The following ELOVL7 variants were observed in gnomAD, a reference collection of about 807,000 sequenced individuals.
ELOVL7 encodes the protein ELOVL fatty acid elongase 7.
ELOVL7 carries 27 observed loss-of-function variants against 35.7 expected under a neutral mutation model. That is an observed-to-expected ratio of 0.76 (90% CI 0.56 to 1.04). The LOEUF (loss-of-function observed/expected upper bound fraction) is 1.04, where lower values mean the gene tolerates loss of function less well. Ranked by LOEUF, ELOVL7 falls within the 50% of genes least tolerant of loss-of-function variation. ELOVL7 has a pLI of 0.00. For synonymous variants in ELOVL7, 113 were observed against 114.6 expected (o/e 0.99, Z 0.09); for missense variants, 327 against 340.8 (o/e 0.96, Z 0.32).
At chr5:60,839,149 T>G (rs758413267) in intron 1 of ELOVL7, among the ~76,000 whole-genome samples, 2 of 152,046 alleles carry the variant, frequency 1.3e-5, no homozygotes, top group African/African-American at 2.4e-5. Flanking sequence ...GAGAACAGAC[T>G]GGCCAACATG....
chr5:60,841,323 G>A (rs1267972078), intron 1 of ELOVL7, among the ~76,000 whole-genome samples: 1 of 152,150 alleles, frequency 6.6e-6, no homozygotes, highest in Non-Finnish European at 1.5e-5. Flanking sequence ...ACTGTGCCCA[G>A]CCTGAGAATA....
chr5:60,830,773 C>G (rs1047679784), intron 1 of ELOVL7, among the ~76,000 whole-genome samples: 1 of 152,110 alleles, frequency 6.6e-6, no homozygotes, highest in Non-Finnish European at 1.5e-5. Flanking sequence ...CCATTCAATT[C>G]TAGAACTCTT....
At chr5:60,778,341 A>G (rs905363884) in intron 3 of ELOVL7, among the ~76,000 whole-genome samples, 1 of 152,236 alleles carries the variant, frequency 6.6e-6, no homozygotes, top group African/African-American at 2.4e-5. Flanking sequence ...AACCTTAAAT[A>G]CATGAACATC....
At chr5:60,807,992 CAAAAAAAAAA>C (rs34086506) in intron 1 of ELOVL7, among the ~76,000 whole-genome samples, 4 of 42,420 alleles carry the variant, frequency 9.4e-5, no homozygotes, top group East Asian at 7.3e-4. Context: ...GACTCCGTCT[CAAAAAAAAAA>C]AAAAAAAAAA....
chr5:60,782,761 A>G (rs1743339188), intron 3 of ELOVL7, among the ~76,000 whole-genome samples: 1 of 152,190 alleles, frequency 6.6e-6, no homozygotes, highest in South Asian at 2.1e-4. Context: ...TTTATATAAG[A>G]AGAGTAGAAT....
chr5:60,810,074 A>T lies in ELOVL7; in HGVS notation c.-85-10844T>A, dbSNP rs77322091. ...AAACTATCGCTCAGTGAGAAAAAAC[A>T]AACTTTATCTTGCCTGCCTGCTTTG... is the stretch of plus-strand genomic sequence containing the variant. On this transcript the variant is annotated intron_variant, in intron 1 of 8. Coordinates refer to ENST00000508821, the MANE Select transcript of ELOVL7 (RefSeq NM_024930.3). Among the ~76,000 whole-genome samples, 29 of 152,370 alleles carry T rather than the reference A, an allele frequency of 1.9e-4. No homozygotes were observed. In the East Asian group the frequency reaches 4.4e-3, roughly 23 times the overall value.
intron 1 of ELOVL7, among the ~76,000 whole-genome samples, chr5:60,807,016 G>A (rs995777946): frequency 3.3e-5 from 5 of 152,194 alleles, no homozygotes; most frequent in Admixed American, 2.0e-4. Context: ...GAAAGGGTCG[G>A]GAGCAGAGTG....
intron 1 of ELOVL7, among the ~76,000 whole-genome samples, chr5:60,839,751 G>C (rs1428212372): frequency 6.6e-6 from 1 of 152,180 alleles, no homozygotes; most frequent in Non-Finnish European, 1.5e-5. Context: ...TGTAATCCTA[G>C]CACTTTGGAA....
chr5:60,805,504 T>C (rs1338573615), intron 1 of ELOVL7, among the ~76,000 whole-genome samples: 8 of 152,192 alleles, frequency 5.3e-5, no homozygotes, highest in Admixed American at 5.2e-4. Flanking sequence ...TACAGGTTTC[T>C]CAACTGAGAA....
intron 1 of ELOVL7, among the ~76,000 whole-genome samples, chr5:60,841,023 CTTT>C (rs59046428): frequency 8.8e-5 from 11 of 125,352 alleles, no homozygotes; most frequent in Admixed American, 1.6e-4. Context: ...AATTACTTTC[CTTT>C]TTTTTTTTTT....
chr5:60,803,586 C>A (rs1744764585), intron 1 of ELOVL7, among the ~76,000 whole-genome samples: 1 of 152,134 alleles, frequency 6.6e-6, no homozygotes, highest in Admixed American at 6.5e-5. Context: ...GTATCTTGTG[C>A]CATTGTCTCT....
intron 1 of ELOVL7, among the ~76,000 whole-genome samples, chr5:60,807,456 G>C (rs1396895520): frequency 6.6e-6 from 1 of 151,326 alleles, no homozygotes; most frequent in Admixed American, 6.6e-5. Flanking sequence ...CTGAGGGAAA[G>C]AGACAGCAAA....
At chr5:60,822,933 C>A (rs774000181) in intron 1 of ELOVL7, among the ~76,000 whole-genome samples, 1 of 152,146 alleles carries the variant, frequency 6.6e-6, no homozygotes, top group Non-Finnish European at 1.5e-5. Flanking sequence ...AACCTGGAAG[C>A]CTCTGTGACT....
At position 60,754,809 on chromosome 5, in the gene ELOVL7, G is replaced by A; in HGVS notation, c.661C>T (p.His221Tyr). ...TCCATGAAAAAGAACTGGCTTATGT[G>A]GATGGCGACAATAACAAACTGGACC... Reference protein sequence around the residue: ...QLVQFVIVAIHISQFFFMEDC... With the variant: ...QLVQFVIVAIYISQFFFMEDC... The change falls in exon 9 of 9, where the codon CAC becomes TAC. Residue 221 changes from histidine (H) to tyrosine (Y), a missense_variant. His to Tyr is a moderately conservative substitution (Grantham distance 83). Coordinates refer to ENST00000508821, the MANE Select transcript of ELOVL7 (RefSeq NM_024930.3). 1 of 1,613,956 alleles carries A rather than the reference G, an allele frequency of 6.2e-7. No homozygotes were observed. Among genetic ancestry groups the A allele is most frequent in the Non-Finnish European group, 8.5e-7 (1 of 1,179,966 alleles).
intron 3 of ELOVL7, among the ~76,000 whole-genome samples, chr5:60,784,457 T>C (rs867070996): frequency 6.6e-6 from 1 of 152,304 alleles, no homozygotes; most frequent in Middle Eastern, 3.4e-3. Context: ...CATCTAAGAA[T>C]CCAAATAAAT....
In ELOVL7 at chr5:60,754,237, A is replaced by G. The variant is rs1204872331; in HGVS notation, c.*387T>C. On this transcript the variant is annotated 3_prime_UTR_variant, in exon 9 of 9. Coordinates refer to ENST00000508821, the MANE Select transcript of ELOVL7 (RefSeq NM_024930.3). ...TTTCCAGACCCAGCAGAAGGAATCT[A>G]TTTTATCACATGGATCTCCGTCTGT... The G allele has an allele frequency of 1.1e-5, 2 of 184,794 alleles. No individual in the cohort carries two copies. Among genetic ancestry groups the G allele is most frequent in the Admixed American group, 1.1e-4 (2 of 18,528 alleles). 11.4% of individuals were successfully genotyped at this position (184,794 alleles called of 1,614,324 possible). A position where few individuals can be genotyped will look rare whatever the true frequency, so the allele number is the denominator to read the frequency against.
chr5:60,757,450 G>A lies in ELOVL7; in HGVS notation c.636+59C>T, dbSNP rs1741610162. 6 of 1,541,588 alleles carry A rather than the reference G, an allele frequency of 3.9e-6. No homozygotes were observed. In the African/African-American group the frequency reaches 6.8e-5, roughly 17 times the overall value. ...TATTTAACCAGTATCCTAATTCACA[G>A]TGAAAACAAGTGACTCTAGCTGCTT... On this transcript the variant is annotated intron_variant, in intron 8 of 8. Transcript: ENST00000508821.
chr5:60,836,397 G>A (rs1356685149), intron 1 of ELOVL7, among the ~76,000 whole-genome samples: 2 of 151,946 alleles, frequency 1.3e-5, no homozygotes, highest in African/African-American at 4.8e-5. Context: ...AGTCACACAC[G>A]AAGAAGAGGA....
intron 1 of ELOVL7, among the ~76,000 whole-genome samples, chr5:60,829,604 G>A (rs893518061): frequency 6.6e-6 from 1 of 152,164 alleles, no homozygotes; most frequent in Non-Finnish European, 1.5e-5. Flanking sequence ...GATGGAAAGA[G>A]TGAGTTTCGA....
Sources: gnomAD v4.1 joint callset for allele counts (sites outside exome capture counted in the v4.1 genomes callset) on GRCh38, gnomAD v4.1.1 for gene constraint, MANE v1.5 for transcripts, NCBI Gene and HGNC (gene_info 2026-07-23, HGNC 2026-07-21) for gene names.